EYA4: variants seen among roughly 807,000 people sequenced by gnomAD.
EYA4 encodes EYA transcriptional coactivator and phosphatase 4, also known as protein phosphatase EYA4.
A neutral mutation model predicts 87.9 loss-of-function variants in EYA4; 31 were observed. That is an observed-to-expected ratio of 0.35 (90% CI 0.27 to 0.48). The LOEUF (loss-of-function observed/expected upper bound fraction) is 0.48. Ranked by LOEUF, EYA4 falls within the 20% of genes least tolerant of loss-of-function variation. EYA4 has a pLI of 0.99. For synonymous variants in EYA4, 263 were observed against 270.6 expected (o/e 0.97, Z 0.28); for missense variants, 678 against 761.4 (o/e 0.89, Z 1.29).
chr6:133,348,943 T>A, intron 2 of EYA4, among the ~76,000 whole-genome samples: 2 of 152,022 alleles, frequency 1.3e-5, no homozygotes, highest in African/African-American at 4.8e-5. Flanking sequence ...GTCACAATCT[T>A]TACAGTGGCC....
At chr6:133,301,115 T>C (rs933418538) in intron 2 of EYA4, among the ~76,000 whole-genome samples, 1 of 151,686 alleles carries the variant, frequency 6.6e-6, no homozygotes, top group African/African-American at 2.4e-5. Context: ...ATGAACAGGA[T>C]GTGTGTTTGT....
At chr6:133,347,362 T>A (rs1783274560) in intron 2 of EYA4, among the ~76,000 whole-genome samples, 1 of 151,816 alleles carries the variant, frequency 6.6e-6, no homozygotes, top group Admixed American at 6.6e-5. Flanking sequence ...CCTTTTTAAA[T>A]TTTTTTTTCA....
intron 10 of EYA4, 34 bp downstream of exon 10, chr6:133,464,892 T>C (rs1173980504): frequency 4.8e-6 from 7 of 1,448,980 alleles, no homozygotes; most frequent in African/African-American, 4.2e-5. Context: ...GCTTTTTATA[T>C]GTATTTCAGA....
At chr6:133,424,513 C>G (rs1420119924) in intron 3 of EYA4, among the ~76,000 whole-genome samples, 1 of 152,046 alleles carries the variant, frequency 6.6e-6, no homozygotes, top group African/African-American at 2.4e-5. Flanking sequence ...GCAAACACCC[C>G]CCCCCCAGCC....
chr6:133,278,105 G>GTT (rs201319102), intron 2 of EYA4, among the ~76,000 whole-genome samples: 4 of 146,682 alleles, frequency 2.7e-5, no homozygotes, highest in African/African-American at 9.9e-5. Context: ...TATTTCTTCA[G>GTT]TTTTTTTTTT....
At chr6:133,473,797 G>A (rs1302043655) in intron 11 of EYA4, among the ~76,000 whole-genome samples, 1 of 151,952 alleles carries the variant, frequency 6.6e-6, no homozygotes, top group Non-Finnish European at 1.5e-5. Flanking sequence ...GGATTAGGGT[G>A]AGGTCAGTGA....
At chr6:133,361,401 G>A (rs889834783) in intron 2 of EYA4, among the ~76,000 whole-genome samples, 10 of 152,190 alleles carry the variant, frequency 6.6e-5, no homozygotes, top group Admixed American at 1.3e-4. Flanking sequence ...ATGTCACCTT[G>A]AGGGAACTGG....
chr6:133,249,208 TAGAG>T (rs1159664250), intron 1 of EYA4, among the ~76,000 whole-genome samples: 1 of 152,166 alleles, frequency 6.6e-6, no homozygotes, highest in Admixed American at 6.6e-5. Flanking sequence ...CAGGAATATT[TAGAG>T]AGAGAATCAT....
At chr6:133,316,211 T>C (rs1780609291) in intron 2 of EYA4, among the ~76,000 whole-genome samples, 1 of 152,172 alleles carries the variant, frequency 6.6e-6, no homozygotes, top group African/African-American at 2.4e-5. Flanking sequence ...ATAGTTGATA[T>C]TAGTGAAGGC....
At chr6:133,325,835 T>C (rs990817033) in intron 2 of EYA4, among the ~76,000 whole-genome samples, 1 of 152,212 alleles carries the variant, frequency 6.6e-6, no homozygotes, top group African/African-American at 2.4e-5. Flanking sequence ...AAGGTGTAGC[T>C]GTTAGCTTTC....
intron 2 of EYA4, among the ~76,000 whole-genome samples, chr6:133,324,834 A>G (rs79403019): frequency 2.6e-3 from 399 of 152,106 alleles, no homozygotes; most frequent in African/African-American, 9.2e-3. Flanking sequence ...AATCAGATTA[A>G]TAAATCCAGT....
chr6:133,445,893 T>A (rs1275602752), intron 3 of EYA4, among the ~76,000 whole-genome samples: 2 of 152,226 alleles, frequency 1.3e-5, no homozygotes, highest in Non-Finnish European at 2.9e-5. Flanking sequence ...AGTTTCCTTT[T>A]CAAAAGATGG....
intron 2 of EYA4, among the ~76,000 whole-genome samples, chr6:133,335,268 A>C (rs891361769): frequency 1.3e-5 from 2 of 152,250 alleles, no homozygotes; most frequent in African/African-American, 4.8e-5. Flanking sequence ...TAATTACAGA[A>C]GGACTCAACA....
intron 2 of EYA4, among the ~76,000 whole-genome samples, chr6:133,306,734 AAT>A (rs2128323793): frequency 6.6e-6 from 1 of 152,342 alleles, no homozygotes; most frequent in South Asian, 2.1e-4. Flanking sequence ...GCCATATTTA[AAT>A]AGTTATTTCT....
Position 133,512,796 on chromosome 6 carries a change from A to T in EYA4, c.1340+17A>T, listed in dbSNP as rs1280917413. The T allele has an allele frequency of 1.2e-6, 2 of 1,611,436 alleles. No homozygotes were observed. Among genetic ancestry groups the T allele is most frequent in the Admixed American group, 3.3e-5 (2 of 60,032 alleles). On this transcript the variant is annotated intron_variant, in intron 15 of 19. Transcript: ENST00000355286. Reference sequence around the variant, plus strand: ...GGACTTAAGGTAAGCTATGCCTTTCAGTATGCTGTTTCCTACAGAAATTCG... The same window carrying T: ...GGACTTAAGGTAAGCTATGCCTTTCTGTATGCTGTTTCCTACAGAAATTCG...
At chr6:133,423,339 C>T (rs1306416214) in intron 3 of EYA4, among the ~76,000 whole-genome samples, 1 of 152,136 alleles carries the variant, frequency 6.6e-6, no homozygotes, top group Non-Finnish European at 1.5e-5. Context: ...GTAGTGTAAA[C>T]ACATTTTCAA....
intron 13 of EYA4, among the ~76,000 whole-genome samples, chr6:133,497,394 A>G (rs1797731062): frequency 6.6e-6 from 1 of 152,174 alleles, no homozygotes; most frequent in Non-Finnish European, 1.5e-5. Context: ...TTTCCCAAGC[A>G]TCTTCCTAAT....
intron 13 of EYA4, among the ~76,000 whole-genome samples, chr6:133,499,302 T>C (rs571730796): frequency 3.2e-4 from 48 of 152,292 alleles, no homozygotes; most frequent in African/African-American, 8.7e-4. Flanking sequence ...GTGAGGTGTG[T>C]GTATTTGCCA....
intron 2 of EYA4, among the ~76,000 whole-genome samples, chr6:133,309,125 A>G (rs1032319151): frequency 1.3e-5 from 2 of 151,986 alleles, no homozygotes; most frequent in Non-Finnish European, 2.9e-5. Flanking sequence ...GTTTGAAGAG[A>G]TTTGTGTATA....
Sources: allele counts gnomAD v4.1 joint callset (sites outside exome capture counted in the v4.1 genomes callset), GRCh38; gene constraint gnomAD v4.1.1; transcripts MANE v1.5; gene names NCBI Gene and HGNC (gene_info 2026-07-23, HGNC 2026-07-21).